SEMA3E: variants seen among roughly 807,000 people sequenced by gnomAD.
The protein encoded by SEMA3E is semaphorin-3E.
In SEMA3E, 49 loss-of-function variants were observed where a neutral mutation model predicts 93.6. The ratio of observed to expected loss-of-function variants is 0.52; its 90% CI spans 0.42 to 0.66. The LOEUF (loss-of-function observed/expected upper bound fraction) is 0.66, where lower values mean the gene tolerates loss of function less well. Among genes scored for constraint, SEMA3E ranks in the 30% least tolerant of loss-of-function variants. The pLI is 0.00. For synonymous variants in SEMA3E, 363 were observed against 330.7 expected, an observed-to-expected ratio of 1.10 and a Z score of -1.06; for missense variants, 906 against 964.8, an observed-to-expected ratio of 0.94 and a Z score of 0.81.
At chr7:83,505,658 A>G (rs1452710098) in intron 1 of SEMA3E, among the ~76,000 whole-genome samples, 1 of 152,162 alleles carries the variant, frequency 6.6e-6, no homozygotes, top group Non-Finnish European at 1.5e-5. Flanking sequence ...TTTGGAAACC[A>G]TAAGAATTAC....
At chr7:83,380,945 T>C (rs1787764472) in intron 16 of SEMA3E, among the ~76,000 whole-genome samples, 1 of 151,932 alleles carries the variant, frequency 6.6e-6, no homozygotes, top group African/African-American at 2.4e-5. Context: ...CTACAATGTG[T>C]ATGAGGCAAT....
intron 10 of SEMA3E, among the ~76,000 whole-genome samples, chr7:83,400,817 T>A (rs1019074269): frequency 6.6e-6 from 1 of 152,170 alleles, no homozygotes; most frequent in Admixed American, 6.6e-5. Context: ...TTTTGTAATA[T>A]AAGTTAAATT....
intron 9 of SEMA3E, among the ~76,000 whole-genome samples, chr7:83,403,817 C>T (rs1448378636): frequency 4.6e-5 from 7 of 151,954 alleles, no homozygotes; most frequent in African/African-American, 1.7e-4. Context: ...GAGATAGTCT[C>T]CTAACTAAAG....
rs1302863294 is a variant in SEMA3E at position 83,363,299 on chromosome 7, A to G, written c.*4287T>C. 1 of 152,234 alleles carries G rather than the reference A, an allele frequency of 6.6e-6. No homozygotes were observed. The highest frequency in any genetic ancestry group is 1.5e-5 in the Non-Finnish European group (1 of 68,052). 9.4% of individuals were successfully genotyped at this position (152,234 alleles called of 1,614,324 possible). A position where few individuals can be genotyped will look rare whatever the true frequency, so the allele number is the denominator to read the frequency against. On this transcript the variant is annotated 3_prime_UTR_variant, in exon 17 of 17. Coordinates refer to ENST00000643230, the MANE Select transcript of SEMA3E (RefSeq NM_012431.3). ...AAGTTGAGCCAAATAGAGATTGTAC[A>G]TAATGGTACATAGCGCGTAGTGGCA... is the stretch of plus-strand genomic sequence containing the variant.
At chr7:83,386,639 A>G (rs1206530610) in intron 15 of SEMA3E, among the ~76,000 whole-genome samples, 1 of 152,166 alleles carries the variant, frequency 6.6e-6, no homozygotes, top group African/African-American at 2.4e-5. Context: ...GGTACGTAAC[A>G]TGGTGAAGAT....
intron 4 of SEMA3E, among the ~76,000 whole-genome samples, chr7:83,428,433 G>C (rs1788815316): frequency 6.6e-6 from 1 of 152,172 alleles, no homozygotes; most frequent in African/African-American, 2.4e-5. Context: ...ATATATTTCT[G>C]CCAACAATGG....
intron 1 of SEMA3E, among the ~76,000 whole-genome samples, chr7:83,636,352 T>TATCA (rs1793881606): frequency 6.6e-6 from 1 of 152,254 alleles, no homozygotes; most frequent in Admixed American, 6.5e-5. Context: ...CTCCCAACAC[T>TATCA]ATCATTTCAT....
intron 10 of SEMA3E, among the ~76,000 whole-genome samples, chr7:83,401,272 T>G (rs1562764970): frequency 1.3e-5 from 2 of 152,112 alleles, no homozygotes; most frequent in Non-Finnish European, 2.9e-5. Flanking sequence ...CCTCCAGAAC[T>G]ACAACAATTG....
chr7:83,488,935 G>A (rs12707588), intron 2 of SEMA3E, among the ~76,000 whole-genome samples: 66,511 of 151,900 alleles, frequency 0.44, 15,421 homozygotes, highest in East Asian at 0.62. Flanking sequence ...AAAAAATGGG[G>A]TAATGTTTAA....
intron 1 of SEMA3E, among the ~76,000 whole-genome samples, chr7:83,563,925 C>T (rs1451288894): frequency 6.6e-6 from 1 of 152,038 alleles, no homozygotes; most frequent in Non-Finnish European, 1.5e-5. Flanking sequence ...TATAATTAAT[C>T]AATTTTAAAT....
chr7:83,465,776 GAT>G (rs1789742963), intron 4 of SEMA3E, among the ~76,000 whole-genome samples: 1 of 152,174 alleles, frequency 6.6e-6, no homozygotes, highest in African/African-American at 2.4e-5. Context: ...GTAAAATTGT[GAT>G]ATAGAGTGCT....
chr7:83,568,928 G>T (rs1385692658), intron 1 of SEMA3E, among the ~76,000 whole-genome samples: 1 of 152,004 alleles, frequency 6.6e-6, no homozygotes, highest in Admixed American at 6.5e-5. Flanking sequence ...TTGGAAAAAA[G>T]GAAGTCACGT....
chr7:83,531,891 A>G (rs1168553724), intron 1 of SEMA3E, among the ~76,000 whole-genome samples: 1 of 151,390 alleles, frequency 6.6e-6, no homozygotes, highest in Non-Finnish European at 1.5e-5. Context: ...ATTAAGACAT[A>G]AGATTGGCAC....
intron 1 of SEMA3E, among the ~76,000 whole-genome samples, chr7:83,567,940 A>G (rs1792197551): frequency 1.3e-5 from 2 of 151,980 alleles, no homozygotes; most frequent in African/African-American, 4.8e-5. Flanking sequence ...TAAAATATAC[A>G]AAGAAAATAA....
intron 1 of SEMA3E, among the ~76,000 whole-genome samples, chr7:83,605,653 C>G (rs555094596): frequency 2.1e-4 from 32 of 152,218 alleles, no homozygotes; most frequent in Non-Finnish European, 2.9e-4. Context: ...TGGTCTCGAA[C>G]TCCTGACCTC....
chr7:83,431,850 C>T (rs548974087), intron 4 of SEMA3E, among the ~76,000 whole-genome samples: 1 of 152,026 alleles, frequency 6.6e-6, no homozygotes, highest in Non-Finnish European at 1.5e-5. Context: ...ATTAATGTGG[C>T]TGATTGTATT....
chr7:83,488,339 G>T (rs984628594), intron 2 of SEMA3E, among the ~76,000 whole-genome samples: 3 of 152,012 alleles, frequency 2.0e-5, no homozygotes, highest in Admixed American at 2.0e-4. Flanking sequence ...AGTGCAAGGG[G>T]TATAAAAAGA....
chr7:83,369,355 A>G (rs1177426576), intron 16 of SEMA3E, among the ~76,000 whole-genome samples: 2 of 152,302 alleles, frequency 1.3e-5, no homozygotes, highest in Middle Eastern at 3.4e-3. Flanking sequence ...TGAAGTTTCA[A>G]TGTGATTACT....
intron 16 of SEMA3E, among the ~76,000 whole-genome samples, chr7:83,378,579 T>A (rs550070546): frequency 1.3e-5 from 2 of 152,068 alleles, no homozygotes; most frequent in East Asian, 3.9e-4. Flanking sequence ...AACCTGTTAT[T>A]AGATGAATCG....
Sources: gnomAD v4.1 joint callset for allele counts (sites outside exome capture counted in the v4.1 genomes callset) on GRCh38, gnomAD v4.1.1 for gene constraint, MANE v1.5 for transcripts, NCBI Gene and HGNC (gene_info 2026-07-23, HGNC 2026-07-21) for gene names.